IHO1: variants seen among roughly 807,000 people sequenced by gnomAD.
IHO1 encodes the protein interactor of HORMAD1 1, also known as interactor of HORMAD1 protein 1.
A neutral mutation model predicts 31.0 loss-of-function variants in IHO1; 13 were observed. The observed-to-expected ratio is 0.42, with a 90% confidence interval of 0.27 to 0.67. IHO1 has a LOEUF of 0.67. Ranked by LOEUF, IHO1 falls within the 30% of genes least tolerant of loss-of-function variation. IHO1 has a pLI of 0.24. For synonymous variants in IHO1, 221 were observed against 248.4 expected, an observed-to-expected ratio of 0.89 and a Z score of 1.04; for missense variants, 599 against 687.5, an observed-to-expected ratio of 0.87 and a Z score of 1.44.
intron 4 of IHO1, 149 bp downstream of exon 4, chr3:49,241,538 T>TACACAC (rs142564164): frequency 2.5e-5 from 12 of 478,582 alleles, no homozygotes; most frequent in Non-Finnish European, 3.7e-5. Context: ...TACACACACA[T>TACACAC]ACACACACAC....
rs772031236 is a variant in IHO1, at chr3:49,205,058, A to G, written c.-16+5485A>G. Among the ~76,000 whole-genome samples, 611 of 151,684 alleles carry G rather than the reference A, an allele frequency of 4.0e-3. 6 individuals are homozygous for G. Among genetic ancestry groups the G allele is most frequent in the Non-Finnish European group, 5.5e-3 (372 of 67,878 alleles). On this transcript the variant is annotated intron_variant, in intron 1 of 7. Coordinates refer to ENST00000452691, the MANE Select transcript of IHO1 (RefSeq NM_001135197.2). ...AAAAAAAAGAACGAAAGGAATGACT[A>G]CTCCATAGAGCAGTCCCAAAAGCGG...
intron 2 of IHO1, among the ~76,000 whole-genome samples, chr3:49,225,975 C>T (rs963694484): frequency 6.6e-6 from 1 of 152,068 alleles, no homozygotes; most frequent in African/African-American, 2.4e-5. Flanking sequence ...GCCCAGAGGA[C>T]CTTTGTCCTC....
intron 2 of IHO1, among the ~76,000 whole-genome samples, chr3:49,233,885 A>G (rs2046512878): frequency 6.6e-6 from 1 of 152,154 alleles, no homozygotes; most frequent in African/African-American, 2.4e-5. Context: ...CTAAACCACA[A>G]ACAATAGCAT....
At chr3:49,209,482 A>AT (rs2046181099) in intron 1 of IHO1, among the ~76,000 whole-genome samples, 1 of 151,896 alleles carries the variant, frequency 6.6e-6, no homozygotes, top group South Asian at 2.1e-4. Flanking sequence ...TAAAAAAAAA[A>AT]AAAATTAGCC....
At chr3:49,222,336 A>C (rs1403599973) in intron 2 of IHO1, among the ~76,000 whole-genome samples, 1 of 152,160 alleles carries the variant, frequency 6.6e-6, no homozygotes, top group Admixed American at 6.6e-5. Flanking sequence ...TGTACAGGTA[A>C]TTAGGAGCTA....
rs751205171 is a variant in IHO1 at position 49,257,703 on chromosome 3, A to G, written c.*421A>G. ...TTAAAATATTCCCTACACATGACCA[A>G]TACATTTTCAGGCCTCAGGATTTTT... On this transcript the variant is annotated 3_prime_UTR_variant, in exon 8 of 8. Coordinates refer to ENST00000452691, the MANE Select transcript of IHO1 (RefSeq NM_001135197.2). 13 of 159,486 alleles carry G rather than the reference A, an allele frequency of 8.2e-5. No individual in the cohort carries two copies. The highest frequency in any genetic ancestry group is 1.2e-4 in the Non-Finnish European group (9 of 72,832). The allele number at this position is 159,486 out of a possible 1,614,324, so 9.9% of individuals were successfully genotyped here.
chr3:49,225,478 A>G (rs1283656195), intron 2 of IHO1, among the ~76,000 whole-genome samples: 1 of 152,130 alleles, frequency 6.6e-6, no homozygotes, highest in Non-Finnish European at 1.5e-5. Flanking sequence ...AAAAAAAAGA[A>G]AAGTTTTGTC....
chr3:49,213,504 C>T (rs966968242), intron 2 of IHO1, among the ~76,000 whole-genome samples: 12 of 152,350 alleles, frequency 7.9e-5, no homozygotes, highest in Middle Eastern at 3.4e-3. Flanking sequence ...GGGCCGCAGG[C>T]GGAGCTGCCT....
intron 6 of IHO1, among the ~76,000 whole-genome samples, chr3:49,252,809 CCGAGGTGGG>C (rs2046775518): frequency 6.6e-6 from 1 of 151,984 alleles, no homozygotes; most frequent in Non-Finnish European, 1.5e-5. Flanking sequence ...CTTTGGGAGG[CCGAGGTGGG>C]CGAATCATGA....
intron 1 of IHO1, among the ~76,000 whole-genome samples, chr3:49,203,601 G>C (rs995879995): frequency 1.3e-5 from 2 of 152,064 alleles, no homozygotes; most frequent in Non-Finnish European, 2.9e-5. Context: ...TAGGGTTGCC[G>C]CATTTAGCAA....
chr3:49,192,304 G>A, the IHO1 span, among the ~76,000 whole-genome samples: 1 of 152,164 alleles, frequency 6.6e-6, no homozygotes, highest in Non-Finnish European at 1.5e-5. Context: ...CAAGGGCCAA[G>A]TAAAGGAATA....
chr3:49,245,906 G>A (rs1226118800), intron 6 of IHO1, among the ~76,000 whole-genome samples: 2 of 152,082 alleles, frequency 1.3e-5, no homozygotes, highest in African/African-American at 2.4e-5. Flanking sequence ...TTCTGGGGCC[G>A]GGCACAGTGG....
chr3:49,219,431 C>T (rs543191259), intron 2 of IHO1, among the ~76,000 whole-genome samples: 80 of 152,260 alleles, frequency 5.3e-4, no homozygotes, highest in African/African-American at 1.3e-3. Context: ...CTTTGTTTCC[C>T]GTAAGGAATA....
intron 1 of IHO1, among the ~76,000 whole-genome samples, chr3:49,208,901 A>G (rs890492996): frequency 6.6e-6 from 1 of 152,228 alleles, no homozygotes; most frequent in Non-Finnish European, 1.5e-5. Flanking sequence ...GGAAAACTCC[A>G]TACTTCATAG....
intron 2 of IHO1, among the ~76,000 whole-genome samples, chr3:49,212,696 T>C (rs541198964): frequency 6.6e-6 from 1 of 152,192 alleles, no homozygotes; most frequent in South Asian, 2.1e-4. Flanking sequence ...TTTGGATGTG[T>C]TTGGAGTTTC....
At chr3:49,210,222 AATTTTTT>A (rs889354575) in intron 1 of IHO1, among the ~76,000 whole-genome samples, 6 of 151,058 alleles carry the variant, frequency 4.0e-5, no homozygotes, top group African/African-American at 7.3e-5. Context: ...TTTTATTTTT[AATTTTTT>A]GACATAGTTT....
At chr3:49,246,275 T>C (rs940402056) in intron 6 of IHO1, among the ~76,000 whole-genome samples, 7 of 151,298 alleles carry the variant, frequency 4.6e-5, no homozygotes, top group Admixed American at 4.6e-4. Flanking sequence ...AAATCAGGGA[T>C]GCTTCCTTTG....
chr3:49,244,968 C>G (rs1056981946), intron 6 of IHO1: 3 of 598,190 alleles, frequency 5.0e-6, no homozygotes, highest in Non-Finnish European at 6.0e-6. Context: ...ACTAATCCCC[C>G]ACCTGGTAAC....
chr3:49,212,964 G>A (rs2046241740), intron 2 of IHO1, among the ~76,000 whole-genome samples: 1 of 152,188 alleles, frequency 6.6e-6, no homozygotes, highest in Non-Finnish European at 1.5e-5. Context: ...TTTACAGAGA[G>A]CTGATCGGTC....
Sources: gnomAD v4.1 joint callset for allele counts (sites outside exome capture counted in the v4.1 genomes callset) on GRCh38, gnomAD v4.1.1 for gene constraint, MANE v1.5 for transcripts, NCBI Gene and HGNC (gene_info 2026-07-23, HGNC 2026-07-21) for gene names.